Variants in CDH23 observed in about 807,000 individuals in gnomAD.
CDH23 encodes cadherin related 23.
Under a neutral mutation model 317.1 loss-of-function variants are expected in CDH23, and 189 were observed. The ratio of observed to expected loss-of-function variants is 0.60; its 90% CI spans 0.53 to 0.67. The LOEUF (loss-of-function observed/expected upper bound fraction) is 0.67. CDH23 is among the 30% of genes least tolerant of loss of function. The pLI is 0.00. For missense variants in CDH23, 4,401 were observed against 4,592.4 expected, an observed-to-expected ratio of 0.96 and a Z score of 1.20; for synonymous variants, 1,839 against 1,876.8, an observed-to-expected ratio of 0.98 and a Z score of 0.52.
At chr10:71,450,661 T>C (rs1053887347) in intron 3 of CDH23, among the ~76,000 whole-genome samples, 1 of 152,258 alleles carries the variant, frequency 6.6e-6, no homozygotes, top group Admixed American at 6.5e-5. Flanking sequence ...TCCCAGACCT[T>C]GTGGCCTTCA....
At chr10:71,422,327 A>G (rs1303810917) in intron 1 of CDH23, among the ~76,000 whole-genome samples, 1 of 152,162 alleles carries the variant, frequency 6.6e-6, no homozygotes, top group Non-Finnish European at 1.5e-5. Context: ...CCTGGGTTCG[A>G]ATTCTGCCAT....
Position 71,677,431 on chromosome 10 carries a change from T to A in CDH23, c.1515-25T>A, listed in dbSNP as rs111309167. On this transcript the variant is annotated intron_variant, in intron 15 of 69. Coordinates refer to ENST00000224721, the MANE Select transcript of CDH23 (RefSeq NM_022124.6). Reference sequence around the variant, plus strand: ...CTGTTTTAAACCACGGTGTTCCTTCTCTCCATCCTCTCGGCCTGGCACAGG... The same window carrying A: ...CTGTTTTAAACCACGGTGTTCCTTCACTCCATCCTCTCGGCCTGGCACAGG... The A allele has an allele frequency of 1.8e-3, 2,754 of 1,570,566 alleles. 44 individuals carry two copies. In the African/African-American group the frequency reaches 0.033, roughly 19 times the overall value.
chr10:71,593,900 C>T (rs1859667923), intron 9 of CDH23, among the ~76,000 whole-genome samples: 1 of 152,134 alleles, frequency 6.6e-6, no homozygotes, highest in South Asian at 2.1e-4. Context: ...AGAGGTGGAT[C>T]ACTGAGGCCA....
In CDH23 at chr10:71,802,969, G is replaced by A; in HGVS notation, c.7554G>A (p.Val2518=). The A allele has an allele frequency of 6.2e-7, 1 of 1,614,066 alleles. No individual in the cohort carries two copies. The highest frequency in any genetic ancestry group is 8.5e-7 in the Non-Finnish European group (1 of 1,179,912). The change falls in exon 54 of 70, where the codon GTG becomes GTA. Residue 2518 remains valine (V), a synonymous_variant. Transcript: ENST00000224721. ...QFSKPQFSTS[V]YENEPAGTSV... ...CCAAGCCCCAGTTCAGCACAAGCGT[G>A]TATGAGAATGAGCCGGCGGGCACCT...
At position 71,406,676 on chromosome 10, in the gene CDH23, A is replaced by C. The variant is rs538428456; in HGVS notation, c.-6+9358A>C. ...AATCTAAACATCGAGATTAAAAAAA[A>C]ATCTTTCTATTTGAGATGTTAGCAA... On this transcript the variant is annotated intron_variant, in intron 1 of 69. Coordinates refer to ENST00000224721, the MANE Select transcript of CDH23 (RefSeq NM_022124.6). Among the ~76,000 whole-genome samples the C allele has an allele frequency of 5.9e-5, 9 of 152,384 alleles. No homozygotes were observed. The South Asian group carries it at 1.9e-3, about 32-fold the overall frequency.
chr10:71,795,780 A>C (rs1392865038), intron 48 of CDH23: 4 of 974,236 alleles, frequency 4.1e-6, no homozygotes, highest in Non-Finnish European at 4.8e-6. Context: ...TCCCTGCTGC[A>C]CCCTGAACTA....
At chr10:71,541,497 C>A (rs933173654) in intron 6 of CDH23, among the ~76,000 whole-genome samples, 7 of 152,234 alleles carry the variant, frequency 4.6e-5, no homozygotes, top group East Asian at 1.9e-4. Context: ...TAGGAGGAAA[C>A]TTCTTCACTC....
intron 7 of CDH23, 43 bp from the exon 8 acceptor site, chr10:71,570,747 C>A (rs375938555): frequency 5.6e-5 from 88 of 1,566,540 alleles, no homozygotes; most frequent in Non-Finnish European, 7.2e-5. Flanking sequence ...AGTGTCCCCA[C>A]CATCACTCAA....
intron 34 of CDH23, among the ~76,000 whole-genome samples, chr10:71,735,387 C>T (rs1839535295): frequency 6.6e-6 from 1 of 152,174 alleles, no homozygotes; most frequent in South Asian, 2.1e-4. Flanking sequence ...CTAGAAGAGG[C>T]GGCCCGGCCT....
intron 22 of CDH23, among the ~76,000 whole-genome samples, chr10:71,700,340 T>C (rs1865535911): frequency 6.6e-6 from 1 of 152,086 alleles, no homozygotes; most frequent in Non-Finnish European, 1.5e-5. Context: ...TGAGCCGAGA[T>C]TGCACCACTG....
intron 9 of CDH23, among the ~76,000 whole-genome samples, chr10:71,591,541 C>T (rs574689117): frequency 2.0e-5 from 3 of 152,338 alleles, no homozygotes; most frequent in African/African-American, 4.8e-5. Context: ...ACCCTCTACA[C>T]ATGGCTGATG....
At chr10:71,764,039 G>C (rs566421899) in intron 38 of CDH23, among the ~76,000 whole-genome samples, 1 of 152,336 alleles carries the variant, frequency 6.6e-6, no homozygotes, top group South Asian at 2.1e-4. Flanking sequence ...GGTGAGCAGA[G>C]ATTTCAGAAC....
chr10:71,651,515 C>T (rs530189986), intron 14 of CDH23, among the ~76,000 whole-genome samples: 26 of 150,710 alleles, frequency 1.7e-4, no homozygotes, highest in African/African-American at 6.3e-4. Context: ...CCGTGAGCCA[C>T]TGCACTCCAG....
In CDH23 at chr10:71,709,216, G is replaced by A. The variant is rs977262704; in HGVS notation, c.3220+5G>A. 1.6e-5 allele frequency: 26 copies of A among 1,612,236 alleles called. No individual in the cohort carries two copies. In the African/African-American group the frequency reaches 3.1e-4, roughly 19 times the overall value. Reference sequence around the variant, plus strand: ...TGCTCATCCTGGAGGCCATCGGTATGCACCAGTCCCGCACCCACCAACACA... The same window carrying A: ...TGCTCATCCTGGAGGCCATCGGTATACACCAGTCCCGCACCCACCAACACA... On this transcript the variant is annotated splice_donor_5th_base_variant and intron_variant, in intron 27 of 69. Coordinates refer to ENST00000224721, the MANE Select transcript of CDH23 (RefSeq NM_022124.6).
At chr10:71,792,737 A>C (rs1841283956) in intron 47 of CDH23, among the ~76,000 whole-genome samples, 2 of 148,662 alleles carry the variant, frequency 1.3e-5, no homozygotes, top group Non-Finnish European at 3.0e-5. Context: ...CATAAGAATC[A>C]CTTGAACCTG....
chr10:71,751,229 A>G lies in CDH23; in HGVS notation c.4845+9308A>G. The G allele has an allele frequency of 9.4e-6, 15 of 1,602,942 alleles. 1 individual carries two copies. Among genetic ancestry groups the G allele is most frequent in the South Asian group, 2.2e-5 (2 of 89,268 alleles). ...TGCACCTGCCCCAGACCCAGCCACA[A>G]CAGCCCACTGTCCCCCAGCTGGGCT... On this transcript the variant is annotated intron_variant, in intron 38 of 69. Transcript: ENST00000224721. The surrounding 1 kb of genome is among the most constrained non-coding windows in gnomAD (Gnocchi z 4.9).
At chr10:71,576,757 A>T (rs566074695) in intron 8 of CDH23, among the ~76,000 whole-genome samples, 1 of 152,286 alleles carries the variant, frequency 6.6e-6, no homozygotes, top group East Asian at 1.9e-4. Context: ...AACCAAGTAA[A>T]GGCTGCCCCA....
chr10:71,408,046 A>G (rs1387980021), intron 1 of CDH23, among the ~76,000 whole-genome samples: 1 of 152,218 alleles, frequency 6.6e-6, no homozygotes, highest in Non-Finnish European at 1.5e-5. Flanking sequence ...CTAAGTATTA[A>G]TGACTTGAAT....
chr10:71,513,045 G>A (rs1854082073), intron 6 of CDH23, among the ~76,000 whole-genome samples: 1 of 152,088 alleles, frequency 6.6e-6, no homozygotes, highest in African/African-American at 2.4e-5. Context: ...AAAAACAAAG[G>A]GCAGGTGGAT....
Sources: allele counts gnomAD v4.1 joint callset (sites outside exome capture counted in the v4.1 genomes callset), GRCh38; gene constraint gnomAD v4.1.1; non-coding constraint Gnocchi (gnomAD v3.1); transcripts MANE v1.5; gene names NCBI Gene and HGNC (gene_info 2026-07-23, HGNC 2026-07-21).